DOCK4: variants seen among roughly 807,000 people sequenced by gnomAD.
The protein encoded by DOCK4 is dedicator of cytokinesis 4, also known as dedicator of cytokinesis protein 4.
DOCK4 carries 97 observed loss-of-function variants against 268.1 expected under a neutral mutation model. The ratio of observed to expected loss-of-function variants is 0.36; its 90% confidence interval spans 0.31 to 0.43. The LOEUF is 0.43. Ranked by LOEUF, DOCK4 falls within the 20% of genes least tolerant of loss-of-function variation. The probability of loss-of-function intolerance (pLI) is 1.00; values close to 1 mark genes in which losing one functional copy is unlikely to be tolerated. For missense variants in DOCK4, 2,145 were observed against 2,455.7 expected, an observed-to-expected ratio of 0.87 and a Z score of 2.67; for synonymous variants, 954 against 887.2, an observed-to-expected ratio of 1.08 and a Z score of -1.34.
intron 1 of DOCK4, among the ~76,000 whole-genome samples, chr7:112,105,943 A>AGT (rs1486568534): frequency 7.2e-5 from 11 of 152,170 alleles, no homozygotes. Flanking sequence ...CTCCTTCCTC[A>AGT]GCCTCCTAAA....
Position 111,878,776 on chromosome 7 carries a change from C to A in DOCK4, c.1588-1590G>T, listed in dbSNP as rs115108342. ...GCCATGCAAGGAGGGAGCATTGAGA[C>A]CAGCCCTAGCCAGAAGAGACTCACC... On this transcript the variant is annotated intron_variant, in intron 16 of 52. Coordinates refer to ENST00000428084, the MANE Select transcript of DOCK4 (RefSeq NM_001363540.2). 4.9e-3 allele frequency among the ~76,000 whole-genome samples: 742 copies of A among 152,242 alleles called. 10 individuals are homozygous for A. The highest frequency in any genetic ancestry group is 0.017 in the African/African-American group (706 of 41,546).
intron 7 of DOCK4, among the ~76,000 whole-genome samples, chr7:111,980,090 G>A (rs1453871989): frequency 6.6e-6 from 1 of 152,146 alleles, no homozygotes. Context: ...ATGTATTGTT[G>A]CATCTTTCGA....
intron 1 of DOCK4, among the ~76,000 whole-genome samples, chr7:112,187,721 T>C (rs1349746627): frequency 6.6e-6 from 1 of 152,178 alleles, no homozygotes; most frequent in East Asian, 1.9e-4. Context: ...TTCCAATTAG[T>C]GGAGTAAATG....
chr7:112,114,313 A>G (rs1259229299), intron 1 of DOCK4, among the ~76,000 whole-genome samples: 1 of 152,192 alleles, frequency 6.6e-6, no homozygotes, highest in Non-Finnish European at 1.5e-5. Context: ...AAAAAGTCTA[A>G]AAGTGTTGGT....
At chr7:111,736,585 T>C (rs1014383558) in intron 50 of DOCK4, among the ~76,000 whole-genome samples, 11 of 152,176 alleles carry the variant, frequency 7.2e-5, no homozygotes, top group African/African-American at 2.7e-4. Context: ...CGGGTGAAGC[T>C]ATTTTCATTG....
At chr7:111,995,506 A>G (rs2135261764) in intron 4 of DOCK4, among the ~76,000 whole-genome samples, 1 of 151,710 alleles carries the variant, frequency 6.6e-6, no homozygotes, top group South Asian at 2.1e-4. Flanking sequence ...ACTGCTTCCC[A>G]AAGAATGCTA....
intron 26 of DOCK4, among the ~76,000 whole-genome samples, chr7:111,833,765 A>G (rs534083431): frequency 6.6e-6 from 1 of 152,328 alleles, no homozygotes; most frequent in Non-Finnish European, 1.5e-5. Flanking sequence ...TCTATATTAA[A>G]AAATCAACAA....
At chr7:111,859,774 A>T (rs1266244005) in intron 23 of DOCK4, among the ~76,000 whole-genome samples, 1 of 151,646 alleles carries the variant, frequency 6.6e-6, no homozygotes, top group African/African-American at 2.4e-5. Flanking sequence ...TCACCGTTTT[A>T]GCCGGGATGG....
chr7:112,049,891 T>G (rs755522250), intron 1 of DOCK4, among the ~76,000 whole-genome samples: 10 of 152,190 alleles, frequency 6.6e-5, no homozygotes, highest in Admixed American at 1.3e-4. Flanking sequence ...GGTTTGGTAT[T>G]TGGAGACTTG....
Position 111,834,635 on chromosome 7 carries a change from GTCTA to G in DOCK4, c.2784_2787del (p.Arg929IlefsTer15). On this transcript the variant is annotated frameshift_variant, in exon 26 of 53. Transcript: ENST00000428084. LOFTEE classifies it high-confidence loss of function. The stretch of plus-strand genomic sequence containing the variant: ...AAACTATCAAGAAGCTGTTGATAAT[GTCTA>G]TCTGTCATTTGTCGTAATAGGGACA... 6.4e-7 allele frequency: 1 copy of G among 1,557,294 alleles called. No homozygotes were observed. The highest frequency in any genetic ancestry group is 2.4e-5 in the East Asian group (1 of 42,378).
intron 13 of DOCK4, among the ~76,000 whole-genome samples, chr7:111,905,367 T>G (rs1791478163): frequency 6.6e-6 from 1 of 152,226 alleles, no homozygotes; most frequent in Non-Finnish European, 1.5e-5. Context: ...TGCACCACAC[T>G]TTCTTCCTCT....
chr7:112,054,379 G>A (rs1805635622), intron 1 of DOCK4, among the ~76,000 whole-genome samples: 1 of 151,962 alleles, frequency 6.6e-6, no homozygotes, highest in African/African-American at 2.4e-5. Flanking sequence ...AACTCTCCAT[G>A]TATCTTTACC....
intron 37 of DOCK4, among the ~76,000 whole-genome samples, chr7:111,768,366 T>C (rs1426804670): frequency 6.6e-6 from 1 of 152,182 alleles, no homozygotes; most frequent in Non-Finnish European, 1.5e-5. Context: ...GATATGTCAG[T>C]GTACCTAGAT....
intron 44 of DOCK4, 120 bp from the exon 45 acceptor site, chr7:111,742,252 G>A: frequency 9.3e-7 from 1 of 1,070,294 alleles, no homozygotes; most frequent in Non-Finnish European, 1.2e-6. Context: ...CTCTGCCTCT[G>A]ACAAGGTAGG....
At chr7:111,909,071 A>G (rs1349444875) in intron 13 of DOCK4, among the ~76,000 whole-genome samples, 1 of 152,100 alleles carries the variant, frequency 6.6e-6, no homozygotes, top group African/African-American at 2.4e-5. Flanking sequence ...CTGGTTCTAG[A>G]TCCTTGAAGA....
intron 8 of DOCK4, among the ~76,000 whole-genome samples, chr7:111,960,269 C>CA (rs1296367510): frequency 6.6e-6 from 1 of 150,550 alleles, no homozygotes; most frequent in South Asian, 2.1e-4. Flanking sequence ...GAGGCTGAGG[C>CA]AGGAGAATCG....
intron 1 of DOCK4, among the ~76,000 whole-genome samples, chr7:112,169,212 A>G (rs2116582682): frequency 6.6e-6 from 1 of 152,212 alleles, no homozygotes; most frequent in Non-Finnish European, 1.5e-5. Flanking sequence ...CTGTGACTGA[A>G]AGCTTCCTGA....
intron 1 of DOCK4, among the ~76,000 whole-genome samples, chr7:112,088,374 A>T (rs905574933): frequency 7.3e-5 from 11 of 151,688 alleles, no homozygotes; most frequent in African/African-American, 2.7e-4. Flanking sequence ...GTTTATAGAT[A>T]AAAAAATGTA....
At chr7:112,144,473 G>T (rs1169574659) in intron 1 of DOCK4, among the ~76,000 whole-genome samples, 1 of 152,152 alleles carries the variant, frequency 6.6e-6, no homozygotes, top group East Asian at 1.9e-4. Flanking sequence ...GGATCCAAAG[G>T]CCACACAAAA....
Sources: allele counts gnomAD v4.1 joint callset (sites outside exome capture counted in the v4.1 genomes callset), GRCh38; gene constraint gnomAD v4.1.1; transcripts MANE v1.5; gene names NCBI Gene and HGNC (gene_info 2026-07-23, HGNC 2026-07-21).